The following TRANK1 variants were observed in gnomAD, a reference collection of about 807,000 sequenced individuals.
TRANK1 encodes tetratricopeptide repeat and ankyrin repeat containing 1, also known as TPR and ankyrin repeat-containing protein 1.
A neutral mutation model predicts 266.0 loss-of-function variants in TRANK1; 198 were observed. The ratio of observed to expected loss-of-function variants is 0.74; its 90% CI spans 0.66 to 0.84. TRANK1 has a LOEUF of 0.84. Among genes scored for constraint, TRANK1 ranks in the 40% least tolerant of loss-of-function variants. TRANK1 has a pLI of 0.00. For synonymous variants in TRANK1, 1,396 were observed against 1,384.1 expected (o/e 1.01, Z -0.19); for missense variants, 3,326 against 3,634.6 (o/e 0.92, Z 2.18).
At position 36,873,731 on chromosome 3, in the gene TRANK1, A is replaced by ATAGAGATGTACGTG. The variant is rs780812792; in HGVS notation, c.1078+394_1078+395insCACGTACATCTCTA. ...AGCAGATGCTGTCCAAAATTGATAAACCAAGAAATAGAGATGTACGTGTAT... is the reference window on the plus strand; with the variant it reads ...AGCAGATGCTGTCCAAAATTGATAAATAGAGATGTACGTGCCAAGAAATAGAGATGTACGTGTAT... On this transcript the variant is annotated intron_variant, in intron 9 of 23. Coordinates refer to ENST00000645898, the MANE Select transcript of TRANK1 (RefSeq NM_001329998.2). 1.0e-3 allele frequency among the ~76,000 whole-genome samples: 159 copies of ATAGAGATGTACGTG among 152,242 alleles called. 1 individual carries two copies. The highest frequency in any genetic ancestry group is 3.4e-3 in the Middle Eastern group (1 of 292).
At chr3:36,842,065 G>A (rs532381132) in intron 18 of TRANK1, among the ~76,000 whole-genome samples, 106 of 152,240 alleles carry the variant, frequency 7.0e-4, no homozygotes, top group African/African-American at 2.5e-3. Context: ...TCTTTAACCT[G>A]GTTTCAAAAT....
intron 3 of TRANK1, 76 bp from the exon 4 acceptor site, chr3:36,899,335 G>A: frequency 6.8e-7 from 1 of 1,463,456 alleles, no homozygotes; most frequent in Non-Finnish European, 9.1e-7. Flanking sequence ...AAGCAAAATT[G>A]GCAACATGGG....
Position 36,925,838 on chromosome 3 carries a change from C to T in TRANK1, c.24-17384G>A, listed in dbSNP as rs970604008. 2.0e-5 allele frequency among the ~76,000 whole-genome samples: 3 copies of T among 152,270 alleles called. No individual in the cohort carries two copies. In the East Asian group the frequency reaches 5.8e-4, roughly 29 times the overall value. ...TGACCTCATGATCCACCCACCTTGG[C>T]CTCCCAAACTGTTGGGATTACAGAC... On this transcript the variant is annotated intron_variant, in intron 1 of 23. Coordinates refer to ENST00000645898, the MANE Select transcript of TRANK1 (RefSeq NM_001329998.2).
At chr3:36,917,851 C>T (rs1206628163) in intron 1 of TRANK1, among the ~76,000 whole-genome samples, 1 of 152,052 alleles carries the variant, frequency 6.6e-6, no homozygotes, top group African/African-American at 2.4e-5. Flanking sequence ...AAAGGATATA[C>T]AGTATTATCT....
At chr3:36,904,901 T>G (rs1239973726) in intron 2 of TRANK1, among the ~76,000 whole-genome samples, 3 of 151,940 alleles carry the variant, frequency 2.0e-5, no homozygotes, top group East Asian at 3.9e-4. Context: ...CTCCAGAGAT[T>G]TATCCTCAGC....
chr3:36,912,187 CAA>C (rs564300404), intron 1 of TRANK1, among the ~76,000 whole-genome samples: 5 of 131,360 alleles, frequency 3.8e-5, no homozygotes, highest in African/African-American at 5.7e-5. Flanking sequence ...GAGACTCTGT[CAA>C]AAAAAAAAAA....
At chr3:36,899,371 C>T in intron 3 of TRANK1, 112 bp from the exon 4 acceptor site, 1 of 1,223,126 alleles carries the variant, frequency 8.2e-7, no homozygotes, top group Non-Finnish European at 1.1e-6. Flanking sequence ...AGTCTGACTT[C>T]TGGCTGGGCA....
chr3:36,846,681 T>G (rs9819304), intron 16 of TRANK1, among the ~76,000 whole-genome samples: 54,269 of 151,940 alleles, frequency 0.36, 10,072 homozygotes, highest in African/African-American at 0.41. Flanking sequence ...CATAATTTTT[T>G]TTCCTGTTTT....
At chr3:36,884,170 T>C (rs1272435571) in intron 8 of TRANK1, among the ~76,000 whole-genome samples, 1 of 152,216 alleles carries the variant, frequency 6.6e-6, no homozygotes, top group Non-Finnish European at 1.5e-5. Flanking sequence ...GTTTTTAACA[T>C]AGACATATGC....
At chr3:36,907,645 T>C (rs2079991880) in intron 2 of TRANK1, among the ~76,000 whole-genome samples, 1 of 150,724 alleles carries the variant, frequency 6.6e-6, no homozygotes, top group Non-Finnish European at 1.5e-5. Context: ...GTTGTATTTT[T>C]AATAGAGATG....
chr3:36,863,749 C>G lies in TRANK1; in HGVS notation c.1240+570G>C, dbSNP rs568609893. On this transcript the variant is annotated intron_variant, in intron 10 of 23. Transcript: ENST00000645898. The stretch of plus-strand genomic sequence containing the variant: ...CAAGACTTGAATGCTAAACTCCAAG[C>G]CTTAAATACTATCATCTGCTGCACA... 1.5e-4 allele frequency among the ~76,000 whole-genome samples: 23 copies of G among 152,272 alleles called. 1 individual carries two copies. The East Asian group carries it at 4.1e-3, about 27-fold the overall frequency.
intron 15 of TRANK1, among the ~76,000 whole-genome samples, 159 bp from the exon 16 acceptor site, chr3:36,847,505 G>A (rs1020584411): frequency 6.6e-6 from 1 of 152,112 alleles, no homozygotes; most frequent in Non-Finnish European, 1.5e-5. Context: ...TGGATAGGAG[G>A]GAGATTAACT....
chr3:36,912,184 T>A (rs1033557381), intron 1 of TRANK1, among the ~76,000 whole-genome samples: 4 of 150,496 alleles, frequency 2.7e-5, no homozygotes, highest in Non-Finnish European at 3.0e-5. Flanking sequence ...AGTGAGACTC[T>A]GTCAAAAAAA....
chr3:36,852,460 T>A, intron 13 of TRANK1, 115 bp from the exon 14 acceptor site: 1 of 955,302 alleles, frequency 1.0e-6, no homozygotes. Flanking sequence ...CTACAGTATG[T>A]ATAATTGCAA....
At position 36,856,158 on chromosome 3, in the gene TRANK1, C is replaced by T. The variant is rs1301695351; in HGVS notation, c.3564G>A (p.Glu1188=). The change falls in exon 13 of 24, where the codon GAG becomes GAA. Residue 1188 remains glutamate, a synonymous_variant. Coordinates refer to ENST00000645898, the MANE Select transcript of TRANK1 (RefSeq NM_001329998.2). ...VCAPEHPHQL[E]HLHQIFVTKN... ...TGGTCACAAAGATCTGATGTAAATG[C>T]TCCAGCTGGTGGGGATGTTCTGGTG... 3 of 1,613,940 alleles carry T rather than the reference C, an allele frequency of 1.9e-6. No individual in the cohort carries two copies. The highest frequency in any genetic ancestry group is 1.1e-5 in the South Asian group (1 of 91,078).
chr3:36,846,150 G>A (rs1311698316), intron 17 of TRANK1, 98 bp downstream of exon 17: 2 of 1,229,418 alleles, frequency 1.6e-6, no homozygotes, highest in Admixed American at 5.9e-5. Flanking sequence ...AAGAAAGAAA[G>A]CACTTTCAAA....
chr3:36,869,223 C>A (rs2079270504), intron 9 of TRANK1, among the ~76,000 whole-genome samples: 1 of 152,162 alleles, frequency 6.6e-6, no homozygotes, highest in Non-Finnish European at 1.5e-5. Context: ...AGCAGGCTCC[C>A]AAATAATTCA....
intron 8 of TRANK1, among the ~76,000 whole-genome samples, chr3:36,875,205 T>C (rs1006598752): frequency 2.0e-5 from 3 of 152,182 alleles, no homozygotes; most frequent in African/African-American, 7.2e-5. Context: ...CAGTTTATCT[T>C]AATATAGGGA....
At position 36,856,591 on chromosome 3, in the gene TRANK1, G is replaced by T. The variant is rs779916114; in HGVS notation, c.3131C>A (p.Thr1044Lys). The T allele has an allele frequency of 6.2e-7, 1 of 1,613,868 alleles. No individual in the cohort carries two copies. The highest frequency in any genetic ancestry group is 8.5e-7 in the Non-Finnish European group (1 of 1,179,882). Residue 1044 changes from threonine to lysine, a missense_variant, in exon 13 of 24, where the codon ACG (threonine) becomes AAG (lysine). Transcript: ENST00000645898. ...GAAGGGGTACTCCACTGTGGCTGTC[G>T]TGTCATTGAGGATGTTAAAGGCCAT... Reference protein sequence around the residue: ...TNMAFNILNDTTATVEYPFRV... With the variant: ...TNMAFNILNDKTATVEYPFRV...
Sources: allele counts gnomAD v4.1 joint callset (sites outside exome capture counted in the v4.1 genomes callset), GRCh38; gene constraint gnomAD v4.1.1; transcripts MANE v1.5; gene names NCBI Gene and HGNC (gene_info 2026-07-23, HGNC 2026-07-21).